LRP1B: variants seen among roughly 807,000 people sequenced by gnomAD.
The protein encoded by LRP1B is LDL receptor related protein 1B.
Under a neutral mutation model 556.6 loss-of-function variants are expected in LRP1B, and 217 were observed. The observed-to-expected ratio is 0.39, with a 90% CI of 0.35 to 0.44. The LOEUF (loss-of-function observed/expected upper bound fraction) is 0.44. Among genes scored for constraint, LRP1B ranks in the 20% least tolerant of loss-of-function variants. LRP1B has a pLI of 1.00. For synonymous variants in LRP1B, 2,047 were observed against 1,865.8 expected (o/e 1.10, Z -2.50); for missense variants, 5,053 against 5,620.8 (o/e 0.90, Z 3.23).
intron 1 of LRP1B, among the ~76,000 whole-genome samples, chr2:141,826,354 G>GTTTTTTTTT (rs70994454): frequency 1.0e-5 from 1 of 97,074 alleles, no homozygotes; most frequent in Non-Finnish European, 1.9e-5. Context: ...CTTTTCAGAA[G>GTTTTTTTTT]TTTTTTTTTT....
At position 141,088,542 on chromosome 2, in the gene LRP1B, G is replaced by A. The variant is rs180773793; in HGVS notation, c.1014-26269C>T. Among the ~76,000 whole-genome samples, 964 of 152,122 alleles carry A rather than the reference G, an allele frequency of 6.3e-3. 13 individuals are homozygous for A. The highest frequency in any genetic ancestry group is 0.022 in the African/African-American group (906 of 41,484). ...GCAGCTAAAAATCTTTTGTGTGTTCGGGGCCACAGGCAGATATTTATGATA... is the reference window on the plus strand; with the variant it reads ...GCAGCTAAAAATCTTTTGTGTGTTCAGGGCCACAGGCAGATATTTATGATA... On this transcript the variant is annotated intron_variant, in intron 7 of 90. Coordinates refer to ENST00000389484, the MANE Select transcript of LRP1B (RefSeq NM_018557.3).
At chr2:141,770,180 C>T (rs917499156) in intron 2 of LRP1B, among the ~76,000 whole-genome samples, 4 of 151,778 alleles carry the variant, frequency 2.6e-5, no homozygotes, top group African/African-American at 7.3e-5. Context: ...TTCACAATAG[C>T]TCTGTGCATA....
intron 11 of LRP1B, among the ~76,000 whole-genome samples, chr2:141,034,402 T>C (rs986429790): frequency 4.6e-5 from 7 of 151,822 alleles, no homozygotes; most frequent in African/African-American, 1.7e-4. Flanking sequence ...CAAAAGAAAC[T>C]ACCATCAGAG....
At chr2:140,743,991 AG>A (rs1336084628) in intron 35 of LRP1B, among the ~76,000 whole-genome samples, 512 of 20,278 alleles carry the variant, frequency 0.025, 148 homozygotes, top group Middle Eastern at 0.17. Context: ...AAAAAAAAAA[AG>A]TAAAAAGTAA....
At chr2:140,508,654 A>C (rs1689520134) in intron 52 of LRP1B, among the ~76,000 whole-genome samples, 1 of 152,298 alleles carries the variant, frequency 6.6e-6, no homozygotes, top group East Asian at 1.9e-4. Flanking sequence ...AGCTTGGATA[A>C]CTCAGGTGAA....
chr2:140,355,642 C>T (rs1227426181), intron 75 of LRP1B, among the ~76,000 whole-genome samples: 3 of 151,802 alleles, frequency 2.0e-5, no homozygotes, highest in East Asian at 1.9e-4. Context: ...CCTGGATAAG[C>T]CAGACTTAGT....
At chr2:140,491,462 C>T (rs1018163038) in intron 57 of LRP1B, among the ~76,000 whole-genome samples, 1 of 151,956 alleles carries the variant, frequency 6.6e-6, no homozygotes, top group South Asian at 2.1e-4. Context: ...TCTGATGCAC[C>T]TAACTTTGAA....
rs533554823 is a variant in LRP1B, at chr2:140,987,855, G to A, written c.2770+1677C>T. On this transcript the variant is annotated intron_variant, in intron 17 of 90. Transcript: ENST00000389484. ...AAGAAAAAGCCAGGCATGGTGGTGT[G>A]TGCCTGTAGTCCTAGCTACTCTGGT... Among the ~76,000 whole-genome samples the A allele has an allele frequency of 1.3e-3, 200 of 152,096 alleles. 1 individual carries two copies. Among genetic ancestry groups the A allele is most frequent in the Non-Finnish European group, 2.5e-3 (170 of 67,990 alleles).
At chr2:140,506,998 T>A (rs1689445884) in intron 52 of LRP1B, 80 bp from the exon 53 acceptor site, 1 of 1,386,138 alleles carries the variant, frequency 7.2e-7, no homozygotes, top group Non-Finnish European at 9.8e-7. Flanking sequence ...GGGGAATATA[T>A]AAAATCATAT....
chr2:141,186,146 G>A (rs1377139569), intron 7 of LRP1B, among the ~76,000 whole-genome samples: 1 of 150,668 alleles, frequency 6.6e-6, no homozygotes, highest in East Asian at 2.0e-4. Flanking sequence ...TCCTTTTGGG[G>A]GGTAAGGCAA....
chr2:141,318,048 A>G (rs1031301692), intron 3 of LRP1B, among the ~76,000 whole-genome samples: 1 of 152,184 alleles, frequency 6.6e-6, no homozygotes, highest in Non-Finnish European at 1.5e-5. Flanking sequence ...CAAAAAAACA[A>G]AAACACCACT....
intron 2 of LRP1B, among the ~76,000 whole-genome samples, chr2:141,678,843 G>A (rs921784659): frequency 2.6e-5 from 4 of 152,110 alleles, no homozygotes; most frequent in Non-Finnish European, 5.9e-5. Context: ...CTTCTAAGAT[G>A]GCTTTAGATG....
At chr2:140,286,048 TAAAAC>T (rs974475211) in intron 84 of LRP1B, among the ~76,000 whole-genome samples, 5 of 151,874 alleles carry the variant, frequency 3.3e-5, no homozygotes, top group African/African-American at 7.2e-5. Flanking sequence ...TCTTTATAAA[TAAAAC>T]AGTACAATAA....
intron 3 of LRP1B, among the ~76,000 whole-genome samples, chr2:141,362,300 T>C (rs967893005): frequency 6.6e-6 from 1 of 152,238 alleles, no homozygotes; most frequent in Non-Finnish European, 1.5e-5. Context: ...TGATTATGTA[T>C]ATTTAATTTA....
At chr2:141,261,061 T>C (rs974038648) in intron 3 of LRP1B, among the ~76,000 whole-genome samples, 2 of 152,184 alleles carry the variant, frequency 1.3e-5, no homozygotes, top group African/African-American at 2.4e-5. Context: ...CTACTTACCA[T>C]GCCAGACAGC....
chr2:141,465,444 T>G (rs1320815761), intron 3 of LRP1B, among the ~76,000 whole-genome samples: 1 of 152,188 alleles, frequency 6.6e-6, no homozygotes. Flanking sequence ...TAATCTGGCT[T>G]TCCTCAGGCC....
At chr2:141,521,793 A>C (rs1018172100) in intron 2 of LRP1B, among the ~76,000 whole-genome samples, 58 of 152,244 alleles carry the variant, frequency 3.8e-4, no homozygotes, top group African/African-American at 1.4e-3. Flanking sequence ...ATGCTTTCCA[A>C]GTCTGGATTC....
intron 1 of LRP1B, among the ~76,000 whole-genome samples, chr2:141,949,759 T>C (rs12471235): frequency 6.6e-6 from 1 of 151,984 alleles, no homozygotes; most frequent in Non-Finnish European, 1.5e-5. Context: ...AGGTTTTAGG[T>C]TGGAAGAGTA....
At chr2:141,253,761 C>A (rs1684356072) in intron 4 of LRP1B, among the ~76,000 whole-genome samples, 1 of 151,876 alleles carries the variant, frequency 6.6e-6, no homozygotes, top group African/African-American at 2.4e-5. Context: ...ATGCAGCAAT[C>A]CCCTGAATAC....
Sources: allele counts gnomAD v4.1 joint callset (sites outside exome capture counted in the v4.1 genomes callset), GRCh38; gene constraint gnomAD v4.1.1; transcripts MANE v1.5; gene names NCBI Gene and HGNC (gene_info 2026-07-23, HGNC 2026-07-21).